The following FMNL2 variants were observed in gnomAD, a reference collection of about 807,000 sequenced individuals.
The protein encoded by FMNL2 is formin-like protein 2.
A neutral mutation model predicts 130.2 loss-of-function variants in FMNL2; 51 were observed. That is an observed-to-expected ratio of 0.39 (90% confidence interval 0.31 to 0.49). The LOEUF is 0.49. Among genes scored for constraint, FMNL2 ranks in the 20% least tolerant of loss-of-function variants. FMNL2 has a pLI of 0.85. For synonymous variants in FMNL2, 465 were observed against 467.1 expected (o/e 1.00, Z 0.06); for missense variants, 977 against 1,316.2 (o/e 0.74, Z 3.99).
intron 1 of FMNL2, among the ~76,000 whole-genome samples, chr2:152,367,242 A>T (rs1192539804): frequency 1.3e-5 from 2 of 151,872 alleles, no homozygotes; most frequent in African/African-American, 2.4e-5. Flanking sequence ...CTCCCAGCTA[A>T]TTTTTGTATT....
intron 1 of FMNL2, among the ~76,000 whole-genome samples, chr2:152,464,055 C>G (rs1238293603): frequency 6.6e-6 from 1 of 152,198 alleles, no homozygotes; most frequent in African/African-American, 2.4e-5. Context: ...GCCTCAGTCT[C>G]CTGAGTAGCT....
intron 7 of FMNL2, among the ~76,000 whole-genome samples, chr2:152,575,549 A>G (rs758544480): frequency 2.0e-5 from 3 of 152,212 alleles, no homozygotes; most frequent in Non-Finnish European, 2.9e-5. Flanking sequence ...ATTAAAAAAG[A>G]AAGGCCTGGT....
intron 25 of FMNL2, among the ~76,000 whole-genome samples, chr2:152,644,918 T>C (rs1295647680): frequency 6.6e-6 from 1 of 152,210 alleles, no homozygotes; most frequent in Non-Finnish European, 1.5e-5. Context: ...CTCCAGTGTC[T>C]AGTTGATTAG....
At chr2:152,524,770 A>G (rs1052517770) in intron 2 of FMNL2, among the ~76,000 whole-genome samples, 7 of 152,196 alleles carry the variant, frequency 4.6e-5, no homozygotes, top group Admixed American at 3.9e-4. Flanking sequence ...AGCTTTGGCC[A>G]TTTCCCGTAA....
chr2:152,424,650 A>G (rs1004028954), intron 1 of FMNL2, among the ~76,000 whole-genome samples: 5 of 151,456 alleles, frequency 3.3e-5, no homozygotes, highest in African/African-American at 1.2e-4. Context: ...CGGCCTCCCA[A>G]AGTGCTGGGA....
chr2:152,371,267 G>A (rs114489045), intron 1 of FMNL2, among the ~76,000 whole-genome samples: 1 of 152,222 alleles, frequency 6.6e-6, no homozygotes, highest in African/African-American at 2.4e-5. Context: ...AGGATCATTG[G>A]AGGCTGGTTG....
chr2:152,642,518 T>C (rs2105974349), intron 25 of FMNL2, among the ~76,000 whole-genome samples: 1 of 152,332 alleles, frequency 6.6e-6, no homozygotes, highest in African/African-American at 2.4e-5. Context: ...TCAGTGTACA[T>C]AGTGCAGTGG....
intron 1 of FMNL2, among the ~76,000 whole-genome samples, chr2:152,518,508 C>T (rs1049091678): frequency 6.6e-6 from 1 of 152,206 alleles, no homozygotes; most frequent in African/African-American, 2.4e-5. Flanking sequence ...CTTGAGTGCT[C>T]TCTTGGTTAT....
chr2:152,580,466 A>G (rs1696721182), intron 8 of FMNL2, among the ~76,000 whole-genome samples: 1 of 152,174 alleles, frequency 6.6e-6, no homozygotes, highest in African/African-American at 2.4e-5. Context: ...TTCGTGGGAG[A>G]TTTATGGATC....
chr2:152,581,713 A>G (rs1696793829), intron 9 of FMNL2, among the ~76,000 whole-genome samples: 1 of 152,214 alleles, frequency 6.6e-6, no homozygotes, highest in Admixed American at 6.5e-5. Context: ...GTGTTGTAGG[A>G]CCAAGAAGAG....
At position 152,383,273 on chromosome 2, in the gene FMNL2, C is replaced by CTTTTT. The variant is rs35206829; in HGVS notation, c.117+47570_117+47574dup. 6.9e-3 allele frequency among the ~76,000 whole-genome samples: 670 copies of CTTTTT among 97,408 alleles called. 2 individuals are homozygous for CTTTTT. The highest frequency in any genetic ancestry group is 8.0e-3 in the Non-Finnish European group (405 of 50,466). The allele number at this position is 97,408 out of a possible 152,430, so 63.9% of individuals were successfully genotyped here. A position where few individuals can be genotyped will look rare whatever the true frequency, so the allele number is the denominator to read the frequency against. On this transcript the variant is annotated intron_variant, in intron 1 of 25. Coordinates refer to ENST00000288670, the MANE Select transcript of FMNL2 (RefSeq NM_052905.4). The stretch of plus-strand genomic sequence containing the variant: ...TTAGGTGTGGACACTTCCGTTAATC[C>CTTTTT]TTTTTTTTTTTTTTTTTTTTTGTAG...
intron 25 of FMNL2, among the ~76,000 whole-genome samples, 177 bp downstream of exon 25, chr2:152,641,091 T>G (rs1683045965): frequency 6.6e-6 from 1 of 152,236 alleles, no homozygotes; most frequent in African/African-American, 2.4e-5. Context: ...GCATGTATAC[T>G]GCCCCAATAC....
intron 2 of FMNL2, among the ~76,000 whole-genome samples, chr2:152,536,277 A>T (rs1372843797): frequency 6.6e-6 from 1 of 152,212 alleles, no homozygotes; most frequent in African/African-American, 2.4e-5. Flanking sequence ...TACTTGTGTC[A>T]GCATTATCTA....
intron 1 of FMNL2, among the ~76,000 whole-genome samples, chr2:152,412,445 T>G (rs1686340586): frequency 1.4e-5 from 1 of 69,126 alleles, no homozygotes; most frequent in Admixed American, 2.6e-4. Context: ...TTCTGTATAT[T>G]TTATATATAT....
intron 4 of FMNL2, among the ~76,000 whole-genome samples, chr2:152,551,782 G>A (rs1477130472): frequency 6.6e-6 from 1 of 152,184 alleles, no homozygotes; most frequent in Admixed American, 6.5e-5. Context: ...TTGGGAGGCC[G>A]AGGCAGGACG....
intron 1 of FMNL2, among the ~76,000 whole-genome samples, chr2:152,411,242 T>G (rs747116651): frequency 2.0e-5 from 3 of 152,178 alleles, no homozygotes; most frequent in Admixed American, 2.0e-4. Flanking sequence ...GAAGGGAAGG[T>G]AAATTATACT....
At chr2:152,451,015 G>A (rs1688612045) in intron 1 of FMNL2, among the ~76,000 whole-genome samples, 1 of 152,182 alleles carries the variant, frequency 6.6e-6, no homozygotes, top group South Asian at 2.1e-4. Flanking sequence ...TCTACGCTTG[G>A]AGTAAGATTT....
intron 6 of FMNL2, among the ~76,000 whole-genome samples, chr2:152,568,223 T>TTTTTTTGTTGTTTTGTTTTTG (rs1553478440): frequency 8.3e-5 from 11 of 132,304 alleles, no homozygotes; most frequent in South Asian, 2.3e-4. Context: ...GGTGGGTTTT[T>TTTTTTTGTTGTTTTGTTTTTG]TTTTTTTTTT....
intron 9 of FMNL2, among the ~76,000 whole-genome samples, chr2:152,604,192 A>G (rs1002483257): frequency 6.6e-6 from 1 of 150,870 alleles, no homozygotes; most frequent in Non-Finnish European, 1.5e-5. Flanking sequence ...TTAATGGAAT[A>G]TGTTTATATG....
Sources: gnomAD v4.1 joint callset for allele counts (sites outside exome capture counted in the v4.1 genomes callset) on GRCh38, gnomAD v4.1.1 for gene constraint, MANE v1.5 for transcripts, NCBI Gene and HGNC (gene_info 2026-07-23, HGNC 2026-07-21) for gene names.